The following EGF variants were observed in gnomAD, a reference collection of about 807,000 sequenced individuals.
EGF encodes epidermal growth factor.
Under a neutral mutation model 143.8 loss-of-function variants are expected in EGF, and 95 were observed. The ratio of observed to expected loss-of-function variants is 0.66; its 90% CI spans 0.56 to 0.78. The LOEUF is 0.78. Ranked by LOEUF, EGF falls within the 30% of genes least tolerant of loss-of-function variation. EGF has a pLI of 0.00. For synonymous variants in EGF, 510 were observed against 510.5 expected (o/e 1.00, Z 0.01); for missense variants, 1,320 against 1,470.9 (o/e 0.90, Z 1.68).
At chr4:109,918,505 C>T (rs1031764590) in intron 1 of EGF, among the ~76,000 whole-genome samples, 1 of 151,990 alleles carries the variant, frequency 6.6e-6, no homozygotes, top group Non-Finnish European at 1.5e-5. Context: ...TCCAGGAAAC[C>T]CAATGTCTCT....
At position 109,959,315 on chromosome 4, in the gene EGF, A is replaced by G. The variant is rs777994103; in HGVS notation, c.944A>G (p.Gln315Arg). 3.1e-6 allele frequency: 5 copies of G among 1,613,982 alleles called. No homozygotes were observed. In the South Asian group the frequency reaches 5.5e-5, roughly 18 times the overall value. ...AATAAAGCATCTTCTCTTTTAGAGCAGAAACTTTGCAAATTGAGGAAAGGA... is the reference window on the plus strand; with the variant it reads ...AATAAAGCATCTTCTCTTTTAGAGCGGAAACTTTGCAAATTGAGGAAAGGA... ...KAEDDTWEPE[Q>R]KLCKLRKGNC... Residue 315 changes from glutamine to arginine, a missense_variant, in exon 6 of 24, where the codon CAG becomes CGG. By Grantham distance (43) the Gln-to-Arg change is conservative. This residue lies in a region of EGF where 1,186 missense variants were observed against 1,313.7 expected (regional missense o/e 0.90). Coordinates refer to ENST00000265171, the MANE Select transcript of EGF (RefSeq NM_001963.6).
chr4:109,913,899 T>G (rs1485661618), intron 1 of EGF, among the ~76,000 whole-genome samples: 2 of 152,194 alleles, frequency 1.3e-5, no homozygotes, highest in African/African-American at 4.8e-5. Context: ...GTTCTAAAAA[T>G]TAGTGAAAAA....
chr4:109,928,445 G>A (rs1739115057), intron 1 of EGF, among the ~76,000 whole-genome samples: 1 of 152,052 alleles, frequency 6.6e-6, no homozygotes, highest in Admixed American at 6.6e-5. Context: ...TTAAGATAAG[G>A]GGTTGTGGAG....
chr4:109,960,243 T>C (rs575412464), intron 6 of EGF, among the ~76,000 whole-genome samples: 12 of 152,310 alleles, frequency 7.9e-5, no homozygotes, highest in African/African-American at 2.9e-4. Context: ...CCTAAGCTTG[T>C]AAAGAGCTTT....
chr4:109,970,002 AAGGAGGG>A (rs1747308927), intron 11 of EGF, among the ~76,000 whole-genome samples: 1 of 152,168 alleles, frequency 6.6e-6, no homozygotes, highest in African/African-American at 2.4e-5. Flanking sequence ...AACAAGCATG[AAGGAGGG>A]AGGAGAACTT....
chr4:110,010,734 A>T (rs548351751), intron 23 of EGF, among the ~76,000 whole-genome samples: 1 of 152,186 alleles, frequency 6.6e-6, no homozygotes, highest in Non-Finnish European at 1.5e-5. Flanking sequence ...TACAAACATG[A>T]GCCCCTGCAC....
At chr4:109,982,219 G>T (rs186234976) in intron 15 of EGF, among the ~76,000 whole-genome samples, 1 of 151,392 alleles carries the variant, frequency 6.6e-6, no homozygotes, top group Non-Finnish European at 1.5e-5. Flanking sequence ...ATGTTGCCTA[G>T]GCTGGTCTTG....
At chr4:109,982,134 T>G (rs1749465308) in intron 15 of EGF, among the ~76,000 whole-genome samples, 1 of 150,298 alleles carries the variant, frequency 6.7e-6, no homozygotes, top group Non-Finnish European at 1.5e-5. Context: ...TTATTTAAAT[T>G]ATTAATTATT....
chr4:109,927,084 C>T (rs1218445689), intron 1 of EGF, among the ~76,000 whole-genome samples: 1 of 152,134 alleles, frequency 6.6e-6, no homozygotes, highest in African/African-American at 2.4e-5. Context: ...GGTTAGTTTT[C>T]ATTTACTGTT....
chr4:109,927,385 G>T (rs12502303), intron 1 of EGF, among the ~76,000 whole-genome samples: 1 of 151,972 alleles, frequency 6.6e-6, no homozygotes, highest in Non-Finnish European at 1.5e-5. Context: ...AACATGCGGG[G>T]GGACTTTTGG....
chr4:109,967,616 A>G (rs1231143975), intron 10 of EGF, among the ~76,000 whole-genome samples: 1 of 152,114 alleles, frequency 6.6e-6, no homozygotes, highest in Non-Finnish European at 1.5e-5. Context: ...GTATCTGTAT[A>G]TTGCTTTGGG....
At chr4:109,975,119 G>C (rs905414396) in intron 12 of EGF, among the ~76,000 whole-genome samples, 4 of 152,120 alleles carry the variant, frequency 2.6e-5, no homozygotes, top group Admixed American at 6.5e-5. Context: ...AGCAGAAAAG[G>C]ATATTTGGAT....
At chr4:109,914,254 G>A (rs1260345677) in intron 1 of EGF, among the ~76,000 whole-genome samples, 1 of 152,022 alleles carries the variant, frequency 6.6e-6, no homozygotes. Context: ...GCTTAGACAC[G>A]GCAGCCGCCT....
Position 109,987,879 on chromosome 4 carries a change from T to A in EGF, c.2608+19T>A. The A allele has an allele frequency of 1.3e-6, 2 of 1,578,588 alleles. No individual in the cohort carries two copies. Among genetic ancestry groups the A allele is most frequent in the Non-Finnish European group, 1.7e-6 (2 of 1,147,842 alleles). ...TGTTCTGGTAAGAGAAAAGGGCAAA[T>A]TCACATATTTGGACAATACTGAACC... On this transcript the variant is annotated intron_variant, in intron 17 of 23. Transcript: ENST00000265171.
chr4:109,955,147 A>C (rs1337034095), intron 5 of EGF, among the ~76,000 whole-genome samples: 2 of 152,188 alleles, frequency 1.3e-5, no homozygotes, highest in African/African-American at 4.8e-5. Flanking sequence ...TCCCAAGTGC[A>C]TTGTTTCAGA....
intron 18 of EGF, among the ~76,000 whole-genome samples, chr4:109,990,234 T>C (rs1294482127): frequency 2.0e-5 from 3 of 152,138 alleles, no homozygotes; most frequent in Non-Finnish European, 4.4e-5. Context: ...CTGAGAAATA[T>C]CAGGATGAGG....
chr4:109,972,584 T>G (rs1346404647), intron 11 of EGF, among the ~76,000 whole-genome samples: 1 of 152,122 alleles, frequency 6.6e-6, no homozygotes, highest in Non-Finnish European at 1.5e-5. Flanking sequence ...CTTGACACAT[T>G]AAGTTCAAAA....
In EGF at chr4:109,949,676, G is replaced by A. The variant is rs796533317; in HGVS notation, c.940+4401G>A. Among the ~76,000 whole-genome samples the A allele has an allele frequency of 4.0e-5, 6 of 150,694 alleles. 1 individual carries two copies. Among genetic ancestry groups the A allele is most frequent in the African/African-American group, 1.5e-4 (6 of 40,922 alleles). On this transcript the variant is annotated intron_variant, in intron 5 of 23. Coordinates refer to ENST00000265171, the MANE Select transcript of EGF (RefSeq NM_001963.6). ...TTTAAAAAAAGGACTCAGGCATAAT[G>A]AGCGTCAAGCTGCAAAGATCTGCTA...
chr4:109,925,809 C>T (rs1446185664), intron 1 of EGF, among the ~76,000 whole-genome samples: 1 of 152,142 alleles, frequency 6.6e-6, no homozygotes, highest in Non-Finnish European at 1.5e-5. Context: ...TAAGTGTATT[C>T]AGCAGTGGTA....
Sources: allele counts gnomAD v4.1 joint callset (sites outside exome capture counted in the v4.1 genomes callset), GRCh38; gene constraint gnomAD v4.1.1; regional missense constraint gnomAD v4.1.1; transcripts MANE v1.5; gene names NCBI Gene and HGNC (gene_info 2026-07-23, HGNC 2026-07-21).